Variants in ZZZ3 observed in about 807,000 individuals in gnomAD.
ZZZ3 encodes the protein ZZ-type zinc finger-containing protein 3.
ZZZ3 carries 22 observed loss-of-function variants against 95.2 expected under a neutral mutation model. That is an observed-to-expected ratio of 0.23 (90% confidence interval 0.17 to 0.33). ZZZ3 has a LOEUF of 0.33. Among genes scored for constraint, ZZZ3 ranks in the 10% least tolerant of loss-of-function variants. ZZZ3 has a pLI of 1.00. For missense variants in ZZZ3, 885 were observed against 1,066.5 expected, an observed-to-expected ratio of 0.83 and a Z score of 2.37; for synonymous variants, 335 against 358.9, an observed-to-expected ratio of 0.93 and a Z score of 0.75.
chr1:77,573,286 ATTT>A (rs34142930), intron 12 of ZZZ3, among the ~76,000 whole-genome samples: 1 of 146,988 alleles, frequency 6.8e-6, no homozygotes. Flanking sequence ...TGCCCAGCTA[ATTT>A]TTTTTTTTTT....
intron 5 of ZZZ3, among the ~76,000 whole-genome samples, chr1:77,617,011 A>C (rs965776248): frequency 6.6e-6 from 1 of 152,236 alleles, no homozygotes; most frequent in East Asian, 1.9e-4. Flanking sequence ...CAAAAAACCC[A>C]GACATTCTTA....
chr1:77,616,351 T>C (rs1311177679), intron 5 of ZZZ3, among the ~76,000 whole-genome samples: 1 of 152,218 alleles, frequency 6.6e-6, no homozygotes, highest in Non-Finnish European at 1.5e-5. Context: ...GCAACCCAAG[T>C]TATTTTCAAG....
At chr1:77,585,375 CTACAA>C (rs1057129991) in intron 5 of ZZZ3, among the ~76,000 whole-genome samples, 26 of 152,278 alleles carry the variant, frequency 1.7e-4, no homozygotes, top group Admixed American at 3.9e-4. Flanking sequence ...TGAAATCTCA[CTACAA>C]TACATCTATT....
chr1:77,645,048 A>G (rs1490848824), intron 1 of ZZZ3, among the ~76,000 whole-genome samples: 1 of 151,628 alleles, frequency 6.6e-6, no homozygotes, highest in Non-Finnish European at 1.5e-5. Flanking sequence ...ACTTGGCAAG[A>G]CCCTGTCTCT....
chr1:77,566,480 T>C (rs1317981789), intron 13 of ZZZ3, among the ~76,000 whole-genome samples: 1 of 152,192 alleles, frequency 6.6e-6, no homozygotes, highest in African/African-American at 2.4e-5. Context: ...ACTTGGGTGT[T>C]TTGTTATTTG....
chr1:77,652,938 T>C (rs1256576703), intron 1 of ZZZ3, among the ~76,000 whole-genome samples: 4 of 152,148 alleles, frequency 2.6e-5, no homozygotes. Flanking sequence ...TCCCAGCACT[T>C]TGAGGGGCCT....
intron 12 of ZZZ3, among the ~76,000 whole-genome samples, chr1:77,570,828 AT>A (rs1234908458): frequency 0.038 from 4,644 of 123,744 alleles, 100 homozygotes; most frequent in African/African-American, 0.089. Context: ...AGCCTGGCTA[AT>A]TTTTTTTTTT....
At chr1:77,662,221 C>T (rs1041707564) in intron 1 of ZZZ3, among the ~76,000 whole-genome samples, 6 of 152,016 alleles carry the variant, frequency 3.9e-5, no homozygotes, top group Non-Finnish European at 7.4e-5. Context: ...ACCATATTGG[C>T]CAAGCTGGTC....
intron 1 of ZZZ3, among the ~76,000 whole-genome samples, chr1:77,671,563 A>T (rs1446461824): frequency 6.6e-6 from 1 of 152,212 alleles, no homozygotes; most frequent in African/African-American, 2.4e-5. Flanking sequence ...CACCTGTGTG[A>T]CACCGAGCAA....
chr1:77,681,752 C>A (rs759609369), intron 1 of ZZZ3, among the ~76,000 whole-genome samples: 4 of 151,842 alleles, frequency 2.6e-5, no homozygotes, highest in Non-Finnish European at 5.9e-5. Flanking sequence ...ATTAGCCGGG[C>A]GTGGTGAAGC....
chr1:77,665,535 TAGAC>T (rs1671170697), intron 1 of ZZZ3, among the ~76,000 whole-genome samples: 2 of 152,194 alleles, frequency 1.3e-5, no homozygotes, highest in Admixed American at 1.3e-4. Flanking sequence ...TAAGTTCCTA[TAGAC>T]AATGATAGTT....
chr1:77,658,195 A>C (rs958116858), intron 1 of ZZZ3, among the ~76,000 whole-genome samples: 6 of 151,482 alleles, frequency 4.0e-5, no homozygotes, highest in Non-Finnish European at 7.4e-5. Context: ...AAAAAAAAAA[A>C]AAAAAAACAC....
At chr1:77,620,436 A>G (rs746737776) in intron 5 of ZZZ3, among the ~76,000 whole-genome samples, 18 of 152,114 alleles carry the variant, frequency 1.2e-4, no homozygotes, top group Admixed American at 2.0e-4. Flanking sequence ...GTAATCCAGA[A>G]AAGAGATGAC....
At chr1:77,617,735 T>TG (rs1476592931) in intron 5 of ZZZ3, among the ~76,000 whole-genome samples, 1 of 148,860 alleles carries the variant, frequency 6.7e-6, no homozygotes, top group Non-Finnish European at 1.5e-5. Flanking sequence ...GGTCAGGCAT[T>TG]GGAGACCAGC....
At chr1:77,646,080 T>C (rs1669242443) in intron 1 of ZZZ3, among the ~76,000 whole-genome samples, 1 of 152,212 alleles carries the variant, frequency 6.6e-6, no homozygotes, top group Non-Finnish European at 1.5e-5. Flanking sequence ...ATACACCCTT[T>C]TAGAAATCCT....
intron 1 of ZZZ3, among the ~76,000 whole-genome samples, chr1:77,660,432 T>C (rs1670680771): frequency 6.6e-6 from 1 of 152,248 alleles, no homozygotes; most frequent in Non-Finnish European, 1.5e-5. Flanking sequence ...TCTGTTTCTA[T>C]GATTTTAACT....
chr1:77,620,724 T>C (rs898060203), intron 5 of ZZZ3, among the ~76,000 whole-genome samples: 3 of 152,230 alleles, frequency 2.0e-5, no homozygotes, highest in Admixed American at 1.3e-4. Flanking sequence ...GGGTATACTA[T>C]GGGACATGGA....
upstream of ZZZ3, chr1:77,683,112 C>T (rs1307730722): frequency 2.1e-5 from 3 of 142,290 alleles, no homozygotes; most frequent in Non-Finnish European, 4.6e-5. Flanking sequence ...CCGTCGCAGC[C>T]GTCGCAGTCG....
rs1222988453 is a variant in ZZZ3, at chr1:77,633,037, T to C, written c.318A>G (p.Arg106=). The C allele has an allele frequency of 6.2e-7, 1 of 1,613,988 alleles. No homozygotes were observed. The part of the protein sequence containing the change: ...IERQAIENCE[R]RQTEPVSPVL... ...CTGGTGAAACAGGTTCTGTTTGCCT[T>C]CTCTCACAATTTTCTATAGCCTGCC... Residue 106 remains arginine (R), a synonymous_variant, in exon 5 of 15, where the codon AGA becomes AGG. Transcript: ENST00000370801.
Sources: allele counts gnomAD v4.1 joint callset (sites outside exome capture counted in the v4.1 genomes callset), GRCh38; gene constraint gnomAD v4.1.1; transcripts MANE v1.5; gene names NCBI Gene and HGNC (gene_info 2026-07-23, HGNC 2026-07-21).